DLG2: variants seen among roughly 807,000 people sequenced by gnomAD.
The protein encoded by DLG2 is disks large homolog 2.
A neutral mutation model predicts 132.5 loss-of-function variants in DLG2; 45 were observed. The observed-to-expected ratio is 0.34, with a 90% CI of 0.27 to 0.44. The LOEUF is 0.44. Among genes scored for constraint, DLG2 ranks in the 20% least tolerant of loss-of-function variants. The pLI, the probability that DLG2 is intolerant of heterozygous loss-of-function variation, is 1.00. For synonymous variants in DLG2, 424 were observed against 419.6 expected (o/e 1.01, Z -0.13); for missense variants, 1,045 against 1,196.9 (o/e 0.87, Z 1.87).
intron 18 of DLG2, among the ~76,000 whole-genome samples, chr11:83,685,076 C>A (rs553766101): frequency 3.8e-4 from 58 of 152,260 alleles, no homozygotes; most frequent in African/African-American, 1.3e-3. Context: ...GCATATCTCT[C>A]ATTTAAGCTT....
At chr11:84,905,167 G>C (rs1228612962) in intron 6 of DLG2, among the ~76,000 whole-genome samples, 1 of 152,112 alleles carries the variant, frequency 6.6e-6, no homozygotes, top group Non-Finnish European at 1.5e-5. Context: ...TTACAGGCAT[G>C]GGCCACTGCG....
intron 16 of DLG2, among the ~76,000 whole-genome samples, chr11:83,841,368 AT>A (rs1207826629): frequency 1.3e-5 from 2 of 152,260 alleles, no homozygotes; most frequent in Non-Finnish European, 2.9e-5. Context: ...ATACATCATT[AT>A]ACATTGACAG....
At chr11:84,119,793 A>G (rs752818636) in intron 9 of DLG2, among the ~76,000 whole-genome samples, 7 of 152,202 alleles carry the variant, frequency 4.6e-5, no homozygotes, top group Non-Finnish European at 1.5e-5. Context: ...CTTATTAGTT[A>G]CCTATAATAA....
At chr11:84,189,958 G>A (rs1262596308) in intron 8 of DLG2, among the ~76,000 whole-genome samples, 5 of 150,442 alleles carry the variant, frequency 3.3e-5, no homozygotes, top group African/African-American at 7.3e-5. Context: ...TGCACATCCC[G>A]CACATGTAAC....
At chr11:84,389,193 T>C (rs1212280211) in intron 7 of DLG2, among the ~76,000 whole-genome samples, 2 of 152,172 alleles carry the variant, frequency 1.3e-5, no homozygotes, top group Non-Finnish European at 2.9e-5. Flanking sequence ...GGGTATTTCA[T>C]TGTATTTATT....
At chr11:84,280,478 A>G (rs1193020194) in intron 7 of DLG2, among the ~76,000 whole-genome samples, 1 of 151,948 alleles carries the variant, frequency 6.6e-6, no homozygotes, top group Non-Finnish European at 1.5e-5. Flanking sequence ...CATGTTGGCT[A>G]GGCTGGTCTC....
intron 21 of DLG2, among the ~76,000 whole-genome samples, chr11:83,490,923 C>A (rs910481341): frequency 6.6e-6 from 1 of 151,880 alleles, no homozygotes; most frequent in Non-Finnish European, 1.5e-5. Context: ...TCTCTCAATT[C>A]AGCGGATTAT....
At chr11:84,716,594 G>T (rs1228807961) in intron 6 of DLG2, among the ~76,000 whole-genome samples, 2 of 150,910 alleles carry the variant, frequency 1.3e-5, no homozygotes, top group Non-Finnish European at 3.0e-5. Flanking sequence ...TTCTGATAAT[G>T]ACATAAAAAC....
intron 8 of DLG2, among the ~76,000 whole-genome samples, chr11:84,185,869 T>G (rs1262179125): frequency 6.6e-6 from 1 of 152,294 alleles, no homozygotes; most frequent in East Asian, 1.9e-4. Context: ...TAAAAACAAA[T>G]TCAGTCTTTT....
At chr11:85,461,969 C>A (rs1319551690) in intron 3 of DLG2, among the ~76,000 whole-genome samples, 3 of 152,140 alleles carry the variant, frequency 2.0e-5, no homozygotes, top group Admixed American at 1.3e-4. Flanking sequence ...AAAAACACAA[C>A]CCCACCAAAA....
At chr11:85,020,086 A>C (rs1378120543) in intron 6 of DLG2, among the ~76,000 whole-genome samples, 2 of 152,168 alleles carry the variant, frequency 1.3e-5, no homozygotes, top group Admixed American at 6.5e-5. Flanking sequence ...CCCCACCAAC[A>C]GTGTAAAAGT....
chr11:85,576,700 A>C, intron 3 of DLG2, among the ~76,000 whole-genome samples: 1 of 152,208 alleles, frequency 6.6e-6, no homozygotes. Context: ...GGATTAAAAG[A>C]GTGAACAAGA....
At chr11:84,245,149 T>C (rs1330050253) in intron 8 of DLG2, among the ~76,000 whole-genome samples, 1 of 152,192 alleles carries the variant, frequency 6.6e-6, no homozygotes, top group Non-Finnish European at 1.5e-5. Context: ...GTGAAGCTCA[T>C]TGCTAATTCA....
At chr11:84,082,206 C>T (rs1473739779) in intron 10 of DLG2, among the ~76,000 whole-genome samples, 1 of 151,850 alleles carries the variant, frequency 6.6e-6, no homozygotes, top group African/African-American at 2.4e-5. Context: ...AGAAACTCTA[C>T]AAGCCAAAAT....
intron 7 of DLG2, among the ~76,000 whole-genome samples, chr11:84,449,457 T>A (rs2099045062): frequency 6.6e-6 from 1 of 151,640 alleles, no homozygotes; most frequent in Admixed American, 6.6e-5. Flanking sequence ...TTAAAAAAGG[T>A]GTAATAGCAT....
At chr11:85,036,201 G>C (rs1566703425) in intron 6 of DLG2, among the ~76,000 whole-genome samples, 1 of 152,104 alleles carries the variant, frequency 6.6e-6, no homozygotes, top group Admixed American at 6.5e-5. Flanking sequence ...GGTTTTTGTT[G>C]AAATGTTACC....
chr11:85,442,342 T>G (rs1356361304), intron 3 of DLG2, among the ~76,000 whole-genome samples: 1 of 152,184 alleles, frequency 6.6e-6, no homozygotes, highest in Non-Finnish European at 1.5e-5. Flanking sequence ...CATGTTGGCT[T>G]GGACTAGAGC....
chr11:85,111,568 T>G, intron 6 of DLG2, 93 bp downstream of exon 6: 1 of 1,013,704 alleles, frequency 9.9e-7, no homozygotes, highest in Non-Finnish European at 1.4e-6. Flanking sequence ...CTCCAGAATT[T>G]CAGAGAGCAT....
At chr11:84,113,588 T>C (rs192352297) in intron 9 of DLG2, among the ~76,000 whole-genome samples, 124 of 152,360 alleles carry the variant, frequency 8.1e-4, no homozygotes, top group Non-Finnish European at 1.4e-3. Context: ...ACAAGCTTTC[T>C]GACTTAAACT....
Sources: allele counts gnomAD v4.1 joint callset (sites outside exome capture counted in the v4.1 genomes callset), GRCh38; gene constraint gnomAD v4.1.1; transcripts MANE v1.5; gene names NCBI Gene and HGNC (gene_info 2026-07-23, HGNC 2026-07-21).